Variants in POLQ observed in about 807,000 individuals in gnomAD.
POLQ encodes DNA polymerase theta.
Under a neutral mutation model 259.2 loss-of-function variants are expected in POLQ, and 233 were observed. The ratio of observed to expected loss-of-function variants is 0.90; its 90% CI spans 0.81 to 1.00. POLQ has a LOEUF of 1.00. POLQ is among the 50% of genes least tolerant of loss of function. POLQ has a pLI of 0.00. For missense variants in POLQ, 2,871 were observed against 3,051.6 expected (o/e 0.94, Z 1.39); for synonymous variants, 1,025 against 1,048.8 (o/e 0.98, Z 0.44).
intron 25 of POLQ, among the ~76,000 whole-genome samples, chr3:121,451,765 TTCTCAGA>T (rs1349031400): frequency 5.3e-5 from 8 of 152,356 alleles, no homozygotes; most frequent in Middle Eastern, 3.4e-3. Flanking sequence ...AATCTGTCCG[TTCTCAGA>T]TCTCAAACTC....
intron 24 of POLQ, among the ~76,000 whole-genome samples, chr3:121,466,543 A>G (rs891026179): frequency 5.9e-5 from 9 of 151,948 alleles, no homozygotes; most frequent in East Asian, 1.9e-4. Context: ...ATACAAAATT[A>G]GCCAGGCATG....
At chr3:121,498,743 T>A (rs890703488) in intron 12 of POLQ, 73 bp from the exon 13 acceptor site, 1 of 1,050,940 alleles carries the variant, frequency 9.5e-7, no homozygotes, top group African/African-American at 1.6e-5. Flanking sequence ...AACCTTCATA[T>A]TAAAGACAAA....
chr3:121,521,040 T>C (rs557729206), intron 8 of POLQ, among the ~76,000 whole-genome samples: 1 of 152,372 alleles, frequency 6.6e-6, no homozygotes, highest in South Asian at 2.1e-4. Context: ...TTTTTTAGTA[T>C]GCATCATAAA....
chr3:121,449,000 A>G (rs914373843), intron 26 of POLQ, among the ~76,000 whole-genome samples: 1 of 152,216 alleles, frequency 6.6e-6, no homozygotes, highest in African/African-American at 2.4e-5. Context: ...TATATACTCA[A>G]TAGTTTACTG....
chr3:121,537,824 A>G (rs1460217065), intron 4 of POLQ, among the ~76,000 whole-genome samples: 2 of 152,226 alleles, frequency 1.3e-5, no homozygotes, highest in Non-Finnish European at 2.9e-5. Flanking sequence ...CTTATTTTCT[A>G]ACTTTCCCAC....
In POLQ at chr3:121,489,644, G is replaced by A; in HGVS notation, c.3287C>T (p.Pro1096Leu). The change falls in exon 16 of 30, where the codon CCA (proline) becomes CTA (leucine). Residue 1096 changes from proline (P) to leucine (L), a missense_variant. Pro to Leu is a moderately conservative substitution (Grantham distance 98). Transcript: ENST00000264233. Reference sequence around the variant, plus strand: ...ACTCAAAGATACATTTTTAGCAAATGGCCCTGAATTTCTAAATTCCGTTTT... The same window carrying A: ...ACTCAAAGATACATTTTTAGCAAATAGCCCTGAATTTCTAAATTCCGTTTT... ...EKKTEFRNSG[P>L]FAKNVSLSGK... The A allele has an allele frequency of 1.9e-6, 3 of 1,613,910 alleles. No homozygotes were observed. Among genetic ancestry groups the A allele is most frequent in the Non-Finnish European group, 2.5e-6 (3 of 1,179,924 alleles).
chr3:121,453,875 A>G (rs911413868), intron 25 of POLQ, among the ~76,000 whole-genome samples: 4 of 152,248 alleles, frequency 2.6e-5, no homozygotes, highest in Admixed American at 2.6e-4. Flanking sequence ...CAGGAAATCC[A>G]GAGAACGCCA....
chr3:121,540,370 C>T (rs2048481793), intron 3 of POLQ, among the ~76,000 whole-genome samples: 1 of 152,136 alleles, frequency 6.6e-6, no homozygotes, highest in African/African-American at 2.4e-5. Context: ...TAGTTAGTGG[C>T]AAAACTGGGA....
chr3:121,454,510 T>A (rs1020027736), intron 25 of POLQ, among the ~76,000 whole-genome samples: 1 of 152,062 alleles, frequency 6.6e-6, no homozygotes, highest in African/African-American at 2.4e-5. Context: ...GAGACACACA[T>A]AGGCTCAAAA....
intron 25 of POLQ, among the ~76,000 whole-genome samples, chr3:121,452,541 G>A (rs1366043318): frequency 2.0e-5 from 3 of 148,346 alleles, no homozygotes; most frequent in African/African-American, 7.5e-5. Context: ...TGAGATCTCA[G>A]CAAGGCTCAG....
rs2048130959 is a variant in POLQ at position 121,497,096 on chromosome 3, T to A, written c.2154-164A>T. Among the ~76,000 whole-genome samples the A allele has an allele frequency of 2.6e-5, 4 of 152,196 alleles. No homozygotes were observed. The South Asian group carries it at 8.3e-4, about 32-fold the overall frequency. On this transcript the variant is annotated intron_variant, in intron 13 of 29. Transcript: ENST00000264233. The stretch of plus-strand genomic sequence containing the variant: ...TAGGATTACTGGACAAAGGCTGAGA[T>A]CAATGCTTGCAAAGCAAGTTTTGAC...
In POLQ at chr3:121,466,283, G is replaced by T. The variant is rs1241480890; in HGVS notation, c.6967+1236C>A. 3.8e-5 allele frequency among the ~76,000 whole-genome samples: 3 copies of T among 78,278 alleles called. No individual in the cohort carries two copies. In the South Asian group the frequency reaches 1.2e-3, roughly 31 times the overall value. 51.4% of individuals were successfully genotyped at this position (78,278 alleles called of 152,430 possible). A position where few individuals can be genotyped will look rare whatever the true frequency, so the allele number is the denominator to read the frequency against. ...CTGAGAGGGGTGAGGAAGCTGCAAG[G>T]AAAAAAAAAAAAAAACTGATTCATG... On this transcript the variant is annotated intron_variant, in intron 24 of 29. Transcript: ENST00000264233.
chr3:121,449,501 A>G, intron 25 of POLQ, 75 bp from the exon 26 acceptor site: 1 of 807,230 alleles, frequency 1.2e-6, no homozygotes, highest in South Asian at 1.5e-5. Context: ...TAGGATGCGA[A>G]TTTCGGCAAA....
At chr3:121,460,437 C>T (rs183998792) in intron 24 of POLQ, among the ~76,000 whole-genome samples, 24 of 152,196 alleles carry the variant, frequency 1.6e-4, no homozygotes, top group Admixed American at 4.6e-4. Context: ...ATGTAGCTTT[C>T]AAGTATATAT....
chr3:121,459,204 C>T (rs1194821341), intron 25 of POLQ, among the ~76,000 whole-genome samples: 2 of 151,990 alleles, frequency 1.3e-5, no homozygotes, highest in Admixed American at 6.6e-5. Context: ...ATAACTTCAA[C>T]GGCTAAAAAG....
chr3:121,488,550 G>C lies in POLQ; in HGVS notation c.4381C>G (p.Leu1461Val), dbSNP rs144749699. Reference sequence around the variant, plus strand: ...GTGGGAGTTCTCTTTTGAGGAATCAGAAGTATAACTGGTTTCACAGTTTCT... The same window carrying C: ...GTGGGAGTTCTCTTTTGAGGAATCACAAGTATAACTGGTTTCACAGTTTCT... ...TQETVKPVILLIPQKRTPTGV... is the reference protein window; with the variant it reads ...TQETVKPVILVIPQKRTPTGV... The change falls in exon 16 of 30, where the codon CTG (leucine) becomes GTG (valine). Residue 1461 changes from leucine to valine, a missense_variant. Physicochemically the swap from Leu to Val is conservative, Grantham distance 32. Coordinates refer to ENST00000264233, the MANE Select transcript of POLQ (RefSeq NM_199420.4). 3.2e-5 allele frequency: 51 copies of C among 1,611,610 alleles called. 1 individual carries two copies. The Middle Eastern group carries it at 6.6e-4, about 21-fold the overall frequency.
At chr3:121,467,685 A>T in intron 23 of POLQ, 45 bp from the exon 24 acceptor site, 7 of 1,585,548 alleles carry the variant, frequency 4.4e-6, no homozygotes, top group Non-Finnish European at 6.0e-6. Flanking sequence ...AGCAGTCTCA[A>T]ATATATGAAA....
chr3:121,533,026 T>C lies in POLQ; in HGVS notation c.924A>G (p.Lys308=), dbSNP rs150022668. 198 of 1,612,706 alleles carry C rather than the reference T, an allele frequency of 1.2e-4. No homozygotes were observed. Among genetic ancestry groups the C allele is most frequent in the Admixed American group, 4.7e-4 (28 of 59,780 alleles). Residue 308 remains lysine, a synonymous_variant, in exon 6 of 30, where the codon AAA becomes AAG. Transcript: ENST00000264233. ...GCATGGGCTCAAATTCCCTCACAAG[T>C]TTCATTGAAGAGTCATATATGGAAT... is the stretch of plus-strand genomic sequence containing the variant. ...VGNSIYDSSM[K]LVREFEPMLQ... is the part of the protein sequence containing the mutation.
chr3:121,510,304 G>A (rs1367141370), intron 10 of POLQ, 61 bp from the exon 11 acceptor site: 15 of 1,245,632 alleles, frequency 1.2e-5, no homozygotes, highest in East Asian at 2.3e-5. Context: ...GCCACCGGGC[G>A]CGGTGGCTCA....
Sources: allele counts gnomAD v4.1 joint callset (sites outside exome capture counted in the v4.1 genomes callset), GRCh38; gene constraint gnomAD v4.1.1; transcripts MANE v1.5; gene names NCBI Gene and HGNC (gene_info 2026-07-23, HGNC 2026-07-21).